Variants in LINGO2 observed in about 807,000 individuals in gnomAD.
LINGO2 encodes the protein leucine-rich repeat and immunoglobulin-like domain-containing nogo receptor-interacting protein 2.
A neutral mutation model predicts 30.6 loss-of-function variants in LINGO2; 14 were observed. That is an observed-to-expected ratio of 0.46 (90% CI 0.30 to 0.72). The LOEUF (loss-of-function observed/expected upper bound fraction) is 0.72. Ranked by LOEUF, LINGO2 falls within the 30% of genes least tolerant of loss-of-function variation. LINGO2 has a pLI of 0.07. For missense variants in LINGO2, 729 were observed against 751.7 expected (o/e 0.97, Z 0.35); for synonymous variants, 317 against 288.5 (o/e 1.10, Z -1.00).
At chr9:29,061,296 T>A in the LINGO2 span, among the ~76,000 whole-genome samples, 1 of 151,812 alleles carries the variant, frequency 6.6e-6, no homozygotes, top group Non-Finnish European at 1.5e-5. Flanking sequence ...TTCAATACAA[T>A]CCCTATCAAA....
At chr9:28,172,896 C>T (rs775586818) in intron 4 of LINGO2, among the ~76,000 whole-genome samples, 17 of 152,300 alleles carry the variant, frequency 1.1e-4, no homozygotes, top group Admixed American at 9.2e-4. Flanking sequence ...ATGCACAACT[C>T]TTATCTTTTC....
the LINGO2 span, among the ~76,000 whole-genome samples, chr9:29,027,002 T>C: frequency 6.6e-6 from 1 of 152,188 alleles, no homozygotes. Context: ...TTCAAGGATA[T>C]GAATGCTCAG....
At chr9:28,290,986 CTTGCCTCTTGTGAGGA>C (rs1823706717) in intron 4 of LINGO2, among the ~76,000 whole-genome samples, 1 of 152,160 alleles carries the variant, frequency 6.6e-6, no homozygotes, top group African/African-American at 2.4e-5. Context: ...CTGCAGCTCC[CTTGCCTCTTGTGAGGA>C]AAAACCCTGC....
At chr9:28,867,989 C>A in the LINGO2 span, among the ~76,000 whole-genome samples, 2 of 151,978 alleles carry the variant, frequency 1.3e-5, no homozygotes, top group Non-Finnish European at 2.9e-5. Context: ...GTAAAAGCAT[C>A]CAGTTTACTT....
intron 1 of LINGO2, among the ~76,000 whole-genome samples, chr9:28,634,981 A>G (rs1168074765): frequency 6.6e-6 from 1 of 152,194 alleles, no homozygotes; most frequent in Non-Finnish European, 1.5e-5. Context: ...ATGGGAAATT[A>G]CCATGTGTGG....
the LINGO2 span, among the ~76,000 whole-genome samples, chr9:29,208,084 T>C: frequency 9.2e-5 from 14 of 152,010 alleles, no homozygotes; most frequent in African/African-American, 3.4e-4. Flanking sequence ...ATATATTAGG[T>C]TTGTGTTCCA....
In LINGO2 at chr9:28,634,611, G is replaced by A. The variant is rs1022219480; in HGVS notation, c.-365+35589C>T. Among the ~76,000 whole-genome samples the A allele has an allele frequency of 2.7e-5, 4 of 149,098 alleles. 1 individual carries two copies. Among genetic ancestry groups the A allele is most frequent in the East Asian group, 4.0e-4 (2 of 4,996 alleles). ...AGCAATTCTCGTGCCTCAGCCTCCC[G>A]AGTAGCTGGGATTACAGGTGTCTGT... On this transcript the variant is annotated intron_variant, in intron 1 of 5. Coordinates refer to ENST00000379992, the Ensembl canonical transcript of LINGO2.
At chr9:28,811,927 C>T in the LINGO2 span, among the ~76,000 whole-genome samples, 13 of 152,242 alleles carry the variant, frequency 8.5e-5, no homozygotes, top group African/African-American at 2.6e-4. Context: ...CCCTAGAACA[C>T]AATGGGTGCA....
chr9:29,044,522 G>A, the LINGO2 span, among the ~76,000 whole-genome samples: 5 of 151,998 alleles, frequency 3.3e-5, no homozygotes, highest in Non-Finnish European at 1.5e-5. Context: ...ATAATTACTT[G>A]TAGGAGAATT....
the LINGO2 span, among the ~76,000 whole-genome samples, chr9:28,996,059 T>C: frequency 2.6e-5 from 4 of 151,712 alleles, no homozygotes; most frequent in Non-Finnish European, 5.9e-5. Flanking sequence ...AAAAATGTCT[T>C]CTCCAGAATG....
chr9:29,166,223 C>A, the LINGO2 span, among the ~76,000 whole-genome samples: 1 of 151,924 alleles, frequency 6.6e-6, no homozygotes, highest in African/African-American at 2.4e-5. Context: ...TTTTCTTTTT[C>A]TCCTCTTCTC....
intron 1 of LINGO2, among the ~76,000 whole-genome samples, chr9:28,525,349 A>T (rs1405478978): frequency 6.6e-6 from 1 of 152,210 alleles, no homozygotes; most frequent in Non-Finnish European, 1.5e-5. Flanking sequence ...AAGTGAAAAC[A>T]CACACCCATG....
the LINGO2 span, among the ~76,000 whole-genome samples, chr9:28,875,815 G>C: frequency 6.6e-6 from 1 of 152,052 alleles, no homozygotes; most frequent in African/African-American, 2.4e-5. Context: ...ATTTGAATGT[G>C]TGTGTTTTAA....
intron 1 of LINGO2, among the ~76,000 whole-genome samples, chr9:28,640,529 T>C (rs948143510): frequency 5.3e-5 from 8 of 150,964 alleles, no homozygotes; most frequent in Non-Finnish European, 1.0e-4. Flanking sequence ...TTTTTTTTTT[T>C]AATTGTTTTT....
At chr9:29,146,995 A>T in the LINGO2 span, among the ~76,000 whole-genome samples, 1 of 152,174 alleles carries the variant, frequency 6.6e-6, no homozygotes, top group African/African-American at 2.4e-5. Context: ...TTGTTAAAAA[A>T]TTAGGATAAT....
At chr9:27,951,696 T>C (rs1159766581) in intron 5 of LINGO2, among the ~76,000 whole-genome samples, 1 of 152,040 alleles carries the variant, frequency 6.6e-6, no homozygotes, top group Non-Finnish European at 1.5e-5. Context: ...CAACTTGGGG[T>C]TCTCAGGGGT....
the LINGO2 span, among the ~76,000 whole-genome samples, chr9:28,851,110 C>T: frequency 6.6e-6 from 1 of 151,924 alleles, no homozygotes; most frequent in Non-Finnish European, 1.5e-5. Flanking sequence ...AAATGTTAGC[C>T]CGATGCTCAC....
At chr9:29,188,941 T>TGGCTGGCCCGGCGGGG in the LINGO2 span, among the ~76,000 whole-genome samples, 5 of 105,160 alleles carry the variant, frequency 4.8e-5, no homozygotes, top group Admixed American at 9.4e-5. Context: ...CCGGACGGGG[T>TGGCTGGCCCGGCGGGG]GGCTGGCCCG....
the LINGO2 span, among the ~76,000 whole-genome samples, chr9:29,100,190 C>T: frequency 2.6e-5 from 4 of 151,978 alleles, no homozygotes; most frequent in Admixed American, 6.6e-5. Context: ...CAGTTGAACT[C>T]GTGGATATAG....
Sources: allele counts gnomAD v4.1 joint callset (sites outside exome capture counted in the v4.1 genomes callset), GRCh38; gene constraint gnomAD v4.1.1; transcripts MANE v1.5; gene names NCBI Gene and HGNC (gene_info 2026-07-23, HGNC 2026-07-21).